EHD3: variants seen among roughly 807,000 people sequenced by gnomAD.
The protein encoded by EHD3 is EH domain-containing protein 3.
In EHD3, 17 loss-of-function variants were observed where a neutral mutation model predicts 43.0. The observed-to-expected ratio is 0.40, with a 90% confidence interval of 0.27 to 0.59. The LOEUF is 0.59. Ranked by LOEUF, EHD3 falls within the 20% of genes least tolerant of loss-of-function variation. EHD3 has a pLI of 0.49. For synonymous variants in EHD3, 313 were observed against 289.5 expected (o/e 1.08, Z -0.82); for missense variants, 594 against 705.6 (o/e 0.84, Z 1.79).
intron 3 of EHD3, among the ~76,000 whole-genome samples, chr2:31,259,210 CAGG>C (rs1177915660): frequency 1.3e-5 from 2 of 152,098 alleles, no homozygotes; most frequent in Non-Finnish European, 2.9e-5. Context: ...GGGGGAGTGG[CAGG>C]AGGAGAGGCT....
chr2:31,240,584 C>T (rs115507300), intron 1 of EHD3, among the ~76,000 whole-genome samples: 2,226 of 152,304 alleles, frequency 0.015, 62 homozygotes, highest in African/African-American at 0.051. Context: ...GTGGGTTTAG[C>T]AGGACAAACT....
intron 2 of EHD3, among the ~76,000 whole-genome samples, chr2:31,244,837 C>T (rs531329114): frequency 2.6e-5 from 4 of 152,294 alleles, no homozygotes; most frequent in South Asian, 2.1e-4. Flanking sequence ...TTTCTATTCA[C>T]GGATATTGTT....
At chr2:31,253,550 T>C (rs936342596) in intron 3 of EHD3, among the ~76,000 whole-genome samples, 5 of 152,198 alleles carry the variant, frequency 3.3e-5, no homozygotes, top group Admixed American at 1.3e-4. Flanking sequence ...GGCATGGTTA[T>C]CAAGTCGGCA....
intron 3 of EHD3, among the ~76,000 whole-genome samples, chr2:31,259,635 A>G (rs568036335): frequency 6.6e-6 from 1 of 152,362 alleles, no homozygotes; most frequent in East Asian, 1.9e-4. Flanking sequence ...TTTGTGCTGC[A>G]GCTGATTACA....
rs943615126 is a variant in EHD3, at chr2:31,246,935, C to T, written c.405-2436C>T. Reference sequence around the variant, plus strand: ...TTTTTGAGACGAGGTCTTGCTCTGTCGCCCAGGCTGAAGTGCAGTGGCATG... The same window carrying T: ...TTTTTGAGACGAGGTCTTGCTCTGTTGCCCAGGCTGAAGTGCAGTGGCATG... On this transcript the variant is annotated intron_variant, in intron 2 of 5. Coordinates refer to ENST00000322054, the MANE Select transcript of EHD3 (RefSeq NM_014600.3). 2.0e-3 allele frequency among the ~76,000 whole-genome samples: 296 copies of T among 149,882 alleles called. 1 individual carries two copies. Among genetic ancestry groups the T allele is most frequent in the African/African-American group, 7.0e-3 (283 of 40,556 alleles).
chr2:31,266,623 A>G lies in EHD3; in HGVS notation c.1527A>G (p.Lys509=), dbSNP rs1683956417. 1 of 1,614,078 alleles carries G rather than the reference A, an allele frequency of 6.2e-7. No individual in the cohort carries two copies. The highest frequency in any genetic ancestry group is 8.5e-7 in the Non-Finnish European group (1 of 1,180,004). ...DEFALANHLI[K]VKLEGHELPN... is the part of the protein sequence containing the mutation. ...TTGCACTGGCCAACCACCTCATCAAAGTCAAGCTGGAGGGGCACGAGCTGC... is the reference window on the plus strand; with the variant it reads ...TTGCACTGGCCAACCACCTCATCAAGGTCAAGCTGGAGGGGCACGAGCTGC... The change falls in exon 6 of 6, where the codon AAA becomes AAG. Residue 509 remains lysine, a synonymous_variant. Coordinates refer to ENST00000322054, the MANE Select transcript of EHD3 (RefSeq NM_014600.3). The surrounding 1 kb of genome is among the most constrained non-coding windows in gnomAD (Gnocchi z 5.1).
Position 31,266,426 on chromosome 2 carries a change from G to T in EHD3, c.1330G>T (p.Asp444Tyr), listed in dbSNP as rs1683952237. 6.2e-7 allele frequency: 1 copy of T among 1,613,972 alleles called. No homozygotes were observed. The highest frequency in any genetic ancestry group is 8.5e-7 in the Non-Finnish European group (1 of 1,179,974). Residue 444 changes from aspartate to tyrosine, a missense_variant, in exon 6 of 6, where the codon GAC (aspartate) becomes TAC (tyrosine). By Grantham distance (160) the Asp-to-Tyr change is radical (BLOSUM62 -3). Around this residue, in one of 3 missense-constraint regions of EHD3, gnomAD observed 322 missense variants for 348.0 expected, o/e 0.93. Coordinates refer to ENST00000322054, the MANE Select transcript of EHD3 (RefSeq NM_014600.3). This position sits in a 1 kb window ranked among gnomAD's most constrained non-coding sequence, Gnocchi z 5.1. ...IDDAEWVVAR[D>Y]KPMYDEIFYT... ...TGATGCTGAGTGGGTGGTGGCCAGGGACAAGCCCATGTACGACGAGATCTT... is the reference window on the plus strand; with the variant it reads ...TGATGCTGAGTGGGTGGTGGCCAGGTACAAGCCCATGTACGACGAGATCTT...
intron 1 of EHD3, among the ~76,000 whole-genome samples, chr2:31,240,020 C>T (rs1293400890): frequency 6.6e-6 from 1 of 152,184 alleles, no homozygotes; most frequent in African/African-American, 2.4e-5. Flanking sequence ...CCACCAGATT[C>T]TCCTTCGTGC....
chr2:31,264,033 C>T (rs1237792561), intron 5 of EHD3, among the ~76,000 whole-genome samples: 1 of 152,188 alleles, frequency 6.6e-6, no homozygotes, highest in East Asian at 1.9e-4. Flanking sequence ...GTCAAACCCT[C>T]GGGGACAGTC....
chr2:31,240,682 C>T (rs1683406116), intron 1 of EHD3, among the ~76,000 whole-genome samples: 1 of 152,242 alleles, frequency 6.6e-6, no homozygotes, highest in Admixed American at 6.5e-5. Flanking sequence ...CACTCATCTG[C>T]TGAGAACACC....
chr2:31,240,484 C>G (rs111585925), intron 1 of EHD3, among the ~76,000 whole-genome samples: 1 of 152,226 alleles, frequency 6.6e-6, no homozygotes, highest in Admixed American at 6.5e-5. Context: ...AGAATTTACC[C>G]CACCCGACTG....
In EHD3 at chr2:31,234,601, C is replaced by CG. The variant is rs1384760141; in HGVS notation, c.-16dup. ...GGAGTCTTCCCCTGGGGCTGCGTGC[C>CG]GGGGGCGAGCGGCGGCCGCGATGTT... On this transcript the variant is annotated 5_prime_UTR_variant, in exon 1 of 6. Transcript: ENST00000322054. The CG allele has an allele frequency of 6.2e-7, 1 of 1,612,338 alleles. No homozygotes were observed. Among genetic ancestry groups the CG allele is most frequent in the East Asian group, 2.2e-5 (1 of 44,866 alleles).
At chr2:31,250,917 T>G (rs1418768875) in intron 3 of EHD3, among the ~76,000 whole-genome samples, 3 of 152,212 alleles carry the variant, frequency 2.0e-5, no homozygotes, top group Admixed American at 2.0e-4. Context: ...CCCTCTGTGC[T>G]CTGTGGCTCT....
chr2:31,236,816 G>A (rs2148714685), intron 1 of EHD3, among the ~76,000 whole-genome samples: 1 of 152,300 alleles, frequency 6.6e-6, no homozygotes, highest in Non-Finnish European at 1.5e-5. Context: ...GGGAAGATGG[G>A]GAGAGGTGAG....
At chr2:31,242,342 G>C (rs1416567567) in intron 1 of EHD3, among the ~76,000 whole-genome samples, 3 of 152,152 alleles carry the variant, frequency 2.0e-5, no homozygotes, top group Non-Finnish European at 4.4e-5. Context: ...TGTGGGTGTT[G>C]GGTACAGAAG....
At chr2:31,247,200 T>C (rs1367918115) in intron 2 of EHD3, among the ~76,000 whole-genome samples, 4 of 152,132 alleles carry the variant, frequency 2.6e-5, no homozygotes, top group Non-Finnish European at 5.9e-5. Flanking sequence ...CGGCCTACAG[T>C]GGTTCCATTT....
intron 5 of EHD3, among the ~76,000 whole-genome samples, chr2:31,264,405 AAGGCCT>A: frequency 6.6e-6 from 1 of 152,318 alleles, no homozygotes; most frequent in East Asian, 1.9e-4. Flanking sequence ...AGTGAGTGTG[AAGGCCT>A]AGGACATCAC....
Position 31,244,449 on chromosome 2 carries a change from AG to A in EHD3, c.404+1del. The A allele has an allele frequency of 6.2e-7, 1 of 1,613,696 alleles. No homozygotes were observed. Among genetic ancestry groups the A allele is most frequent in the Non-Finnish European group, 8.5e-7 (1 of 1,179,820 alleles). On this transcript the variant is annotated frameshift_variant and splice_region_variant, in exon 2 of 6. Transcript: ENST00000322054. LOFTEE classifies it high-confidence loss of function. ...LNAFGNAFLN[R>X]FVCAQLPNPV... The stretch of plus-strand genomic sequence containing the variant: ...CGCCTTTGGCAACGCCTTCTTGAAC[AG>A]GTGAGTGTGGAGGGAACACAACACT...
Position 31,266,903 on chromosome 2 carries a change from G to A in EHD3, c.*199G>A, listed in dbSNP as rs984961496. On this transcript the variant is annotated 3_prime_UTR_variant, in exon 6 of 6. Transcript: ENST00000322054. The surrounding 1 kb of genome is among the most constrained non-coding windows in gnomAD (Gnocchi z 5.1). ...TGTTTGGGCACACCTCCAAGTTCTCGGGATTAGAAGGACAAGAGCACTCCC... is the reference window on the plus strand; with the variant it reads ...TGTTTGGGCACACCTCCAAGTTCTCAGGATTAGAAGGACAAGAGCACTCCC... 3.4e-5 allele frequency: 22 copies of A among 651,128 alleles called. No homozygotes were observed. The highest frequency in any genetic ancestry group is 1.3e-4 in the African/African-American group (7 of 54,686). 40.3% of individuals were successfully genotyped at this position (651,128 alleles called of 1,614,324 possible). A position where few individuals can be genotyped will look rare whatever the true frequency, so the allele number is the denominator to read the frequency against.
Sources: gnomAD v4.1 joint callset for allele counts (sites outside exome capture counted in the v4.1 genomes callset) on GRCh38, gnomAD v4.1.1 for gene constraint, gnomAD v4.1.1 regional missense constraint, Gnocchi (gnomAD v3.1) non-coding constraint, MANE v1.5 for transcripts, NCBI Gene and HGNC (gene_info 2026-07-23, HGNC 2026-07-21) for gene names.